Variants in SCFD1 observed in about 807,000 individuals in gnomAD.
SCFD1 encodes sec1 family domain-containing protein 1.
A neutral mutation model predicts 103.2 loss-of-function variants in SCFD1; 37 were observed. The observed-to-expected ratio is 0.36, with a 90% CI of 0.28 to 0.47. The LOEUF (loss-of-function observed/expected upper bound fraction) is 0.47. SCFD1 is among the 20% of genes least tolerant of loss of function. The pLI is 1.00. For missense variants in SCFD1, 639 were observed against 761.2 expected (o/e 0.84, Z 1.89); for synonymous variants, 264 against 245.0 (o/e 1.08, Z -0.73).
chr14:30,726,049 C>T (rs150169018), intron 23 of SCFD1, among the ~76,000 whole-genome samples: 35 of 152,268 alleles, frequency 2.3e-4, no homozygotes, highest in African/African-American at 7.9e-4. Context: ...TAGACACTTA[C>T]GCATTCCACA....
At chr14:30,712,463 C>T (rs950355836) in intron 19 of SCFD1, among the ~76,000 whole-genome samples, 2 of 152,152 alleles carry the variant, frequency 1.3e-5, no homozygotes, top group Non-Finnish European at 2.9e-5. Flanking sequence ...AAAAACACTT[C>T]CCTATTTTGG....
At chr14:30,647,859 C>A (rs1228885790) in intron 7 of SCFD1, among the ~76,000 whole-genome samples, 1 of 152,064 alleles carries the variant, frequency 6.6e-6, no homozygotes, top group African/African-American at 2.4e-5. Context: ...CCATGTTGGC[C>A]AGGCTGGTCT....
At chr14:30,625,721 A>ATAGGTATATAGGTATATAGG (rs760909609) in intron 1 of SCFD1, among the ~76,000 whole-genome samples, 966 of 48,180 alleles carry the variant, frequency 0.02, 26 homozygotes, top group African/African-American at 0.12. Context: ...GTATATAGGT[A>ATAGGTATATAGGTATATAGG]TATAGGTATA....
intron 5 of SCFD1, among the ~76,000 whole-genome samples, chr14:30,638,457 A>T (rs895230281): frequency 6.6e-6 from 1 of 152,222 alleles, no homozygotes; most frequent in African/African-American, 2.4e-5. Flanking sequence ...CTATTATTTA[A>T]TGAATTTGAA....
At position 30,730,794 on chromosome 14, in the gene SCFD1, T is replaced by G. The variant is rs547081746; in HGVS notation, c.1837-3996T>G. Among the ~76,000 whole-genome samples the G allele has an allele frequency of 1.5e-4, 23 of 152,294 alleles. No individual in the cohort carries two copies. The South Asian group carries it at 3.3e-3, about 22-fold the overall frequency. ...GATTGCAAAAATTTTCTCCCATTCT[T>G]TAGGTTGCCTGTTCACTCTGATGGT... On this transcript the variant is annotated intron_variant, in intron 23 of 24. Coordinates refer to ENST00000458591, the MANE Select transcript of SCFD1 (RefSeq NM_016106.4).
intron 15 of SCFD1, among the ~76,000 whole-genome samples, chr14:30,698,371 TG>T (rs530729602): frequency 9.8e-5 from 15 of 152,346 alleles, no homozygotes; most frequent in African/African-American, 2.9e-4. Context: ...AGCATCAGAT[TG>T]GTCTTTAAAA....
At chr14:30,716,044 A>T in intron 20 of SCFD1, 67 bp downstream of exon 20, 1 of 866,074 alleles carries the variant, frequency 1.2e-6, no homozygotes, top group Non-Finnish European at 1.9e-6. Context: ...ATGAAAGAGG[A>T]TAAAATCAGA....
intron 14 of SCFD1, among the ~76,000 whole-genome samples, chr14:30,690,568 G>T (rs1185139844): frequency 1.5e-5 from 2 of 137,152 alleles, no homozygotes; most frequent in Non-Finnish European, 3.0e-5. Context: ...GAAGTGACCC[G>T]ATTTTCCAGG....
At chr14:30,729,896 G>A (rs537886525) in intron 23 of SCFD1, among the ~76,000 whole-genome samples, 2 of 151,542 alleles carry the variant, frequency 1.3e-5, no homozygotes, top group African/African-American at 2.4e-5. Context: ...TCTAGGGTGC[G>A]TGTGCACAAC....
At chr14:30,658,857 C>T (rs1308250275) in intron 10 of SCFD1, among the ~76,000 whole-genome samples, 1 of 152,180 alleles carries the variant, frequency 6.6e-6, no homozygotes, top group Non-Finnish European at 1.5e-5. Flanking sequence ...TCTTTATTAA[C>T]ACAAAACCTC....
chr14:30,640,876 A>T (rs533469483), intron 6 of SCFD1, among the ~76,000 whole-genome samples: 3 of 152,174 alleles, frequency 2.0e-5, no homozygotes, highest in African/African-American at 7.2e-5. Flanking sequence ...GAAAGATCAC[A>T]TGTTTGAGAT....
intron 17 of SCFD1, among the ~76,000 whole-genome samples, chr14:30,703,884 G>T (rs987882374): frequency 1.2e-4 from 13 of 104,180 alleles, no homozygotes; most frequent in East Asian, 2.6e-4. Context: ...TTGGATTTTT[G>T]ATTTTTTCAG....
chr14:30,727,720 C>T (rs1047595218), intron 23 of SCFD1, among the ~76,000 whole-genome samples: 3 of 151,964 alleles, frequency 2.0e-5, no homozygotes, highest in Non-Finnish European at 4.4e-5. Context: ...TAGTTTTTTA[C>T]CCAGACCTTG....
intron 14 of SCFD1, among the ~76,000 whole-genome samples, chr14:30,681,416 C>G (rs1594688430): frequency 6.6e-6 from 1 of 151,912 alleles, no homozygotes; most frequent in African/African-American, 2.4e-5. Flanking sequence ...ATTTTGTGTA[C>G]ATTTTAAATT....
At chr14:30,715,823 A>T (rs1892241130) in intron 19 of SCFD1, 101 bp from the exon 20 acceptor site, 9 of 627,698 alleles carry the variant, frequency 1.4e-5, no homozygotes, top group Middle Eastern at 3.8e-4. Context: ...AATGTGTTTA[A>T]TTGAAAGGTA....
intron 19 of SCFD1, among the ~76,000 whole-genome samples, chr14:30,714,607 TAAAATGTTTTATGATCTAAGA>T (rs1055205596): frequency 6.6e-6 from 1 of 152,160 alleles, no homozygotes; most frequent in Non-Finnish European, 1.5e-5. Context: ...TTAATAACAA[TAAAATGTTTTATGATCTAAGA>T]AAATGGAAAA....
At chr14:30,715,582 A>AG (rs1892224233) in intron 19 of SCFD1, 2 of 161,450 alleles carry the variant, frequency 1.2e-5, no homozygotes, top group African/African-American at 4.8e-5. Context: ...AAAAAAAAAA[A>AG]AACGGGATTC....
rs553141025 is a variant in SCFD1, at chr14:30,623,022, GCTT to G, written c.61+626_61+628del. ...ATCTTCAATAGAGCATGTTTATATA[GCTT>G]CTATTTATGCAGAGAAATGTAAAAA... On this transcript the variant is annotated intron_variant, in intron 1 of 24. Coordinates refer to ENST00000458591, the MANE Select transcript of SCFD1 (RefSeq NM_016106.4). 3.4e-4 allele frequency among the ~76,000 whole-genome samples: 52 copies of G among 152,230 alleles called. 1 individual carries two copies. In the South Asian group the frequency reaches 0.01, roughly 30 times the overall value.
chr14:30,644,027 C>T, intron 7 of SCFD1: 1 of 455,714 alleles, frequency 2.2e-6, no homozygotes, highest in Non-Finnish European at 4.4e-6. Context: ...AGGTAGACCC[C>T]AATATCTATT....
Sources: allele counts gnomAD v4.1 joint callset (sites outside exome capture counted in the v4.1 genomes callset), GRCh38; gene constraint gnomAD v4.1.1; transcripts MANE v1.5; gene names NCBI Gene and HGNC (gene_info 2026-07-23, HGNC 2026-07-21).